The following MAP3K4 variants were observed in gnomAD, a reference collection of about 807,000 sequenced individuals.
MAP3K4 encodes the protein mitogen-activated protein kinase kinase kinase 4.
In MAP3K4, 67 loss-of-function variants were observed where a neutral mutation model predicts 185.6. The ratio of observed to expected loss-of-function variants is 0.36; its 90% CI spans 0.30 to 0.44. The LOEUF (loss-of-function observed/expected upper bound fraction) is 0.44. MAP3K4 is among the 20% of genes least tolerant of loss of function. The pLI is 1.00. For synonymous variants in MAP3K4, 702 were observed against 710.4 expected (o/e 0.99, Z 0.19); for missense variants, 1,551 against 1,995.1 (o/e 0.78, Z 4.24).
intron 2 of MAP3K4, among the ~76,000 whole-genome samples, chr6:161,036,882 G>A (rs928077889): frequency 2.0e-5 from 3 of 152,136 alleles, no homozygotes; most frequent in African/African-American, 4.8e-5. Flanking sequence ...TGGATTTGTG[G>A]TGCTTACTCA....
In MAP3K4 at chr6:161,064,684, C is replaced by A. The variant is rs1459305316; in HGVS notation, c.1708-5924C>A. On this transcript the variant is annotated intron_variant, in intron 3 of 26. Coordinates refer to ENST00000392142, the MANE Select transcript of MAP3K4 (RefSeq NM_005922.4). This position sits in a 1 kb window ranked among gnomAD's most constrained non-coding sequence, Gnocchi z 4.3. ...TTATTATGGATTTGTCAAATCCACA[C>A]AACATGACATCAGAATTATTATTGT... Among the ~76,000 whole-genome samples the A allele has an allele frequency of 2.6e-5, 4 of 152,172 alleles. No individual in the cohort carries two copies. The highest frequency in any genetic ancestry group is 4.4e-5 in the Non-Finnish European group (3 of 68,028).
rs760902363 is a variant in MAP3K4 at position 161,087,637 on chromosome 6, AT to A, written c.2557-48del. On this transcript the variant is annotated intron_variant, in intron 9 of 26. Transcript: ENST00000392142. This position sits in a 1 kb window ranked among gnomAD's most constrained non-coding sequence, Gnocchi z 4.9. ...TTCCTAGGTTTGTTTTAAATAACCTATTTCTCTAATGTACAGTGTTCCTTAA... is the reference window on the plus strand; with the variant it reads ...TTCCTAGGTTTGTTTTAAATAACCTATTCTCTAATGTACAGTGTTCCTTAA... 5 of 1,591,084 alleles carry A rather than the reference AT, an allele frequency of 3.1e-6. No homozygotes were observed. In the African/African-American group the frequency reaches 5.4e-5, roughly 17 times the overall value.
intron 2 of MAP3K4, among the ~76,000 whole-genome samples, chr6:161,046,123 C>A (rs759169444): frequency 1.1e-4 from 16 of 152,056 alleles, no homozygotes; most frequent in Non-Finnish European, 2.1e-4. Context: ...AGAAACTGAA[C>A]TCATTTTCTT....
Position 161,117,049 on chromosome 6 carries a change from C to T in MAP3K4, c.*179C>T, listed in dbSNP as rs1329328958. 1 of 624,940 alleles carries T rather than the reference C, an allele frequency of 1.6e-6. No individual in the cohort carries two copies. Among genetic ancestry groups the T allele is most frequent in the Non-Finnish European group, 2.8e-6 (1 of 356,610 alleles). The allele number at this position is 624,940 out of a possible 1,614,324, so 38.7% of individuals were successfully genotyped here. A position where few individuals can be genotyped will look rare whatever the true frequency, so the allele number is the denominator to read the frequency against. On this transcript the variant is annotated 3_prime_UTR_variant, in exon 27 of 27. Coordinates refer to ENST00000392142, the MANE Select transcript of MAP3K4 (RefSeq NM_005922.4). ...TTTGTCTGATGTGGCAAAAGGCCCT[C>T]TGGAGGGCTGGTGGCCACGAGGTTA...
rs2114872325 is a variant in MAP3K4, at chr6:161,093,309, AT to A, written c.3348+256del. 6.6e-6 allele frequency among the ~76,000 whole-genome samples: 1 copy of A among 152,122 alleles called. No homozygotes were observed. The highest frequency in any genetic ancestry group is 6.5e-5 in the Admixed American group (1 of 15,278). ...CTGGCCCTTCTAAAATATTTGTGAGATTTATATTTTTACTGCCATCATAGCT... is the reference window on the plus strand; with the variant it reads ...CTGGCCCTTCTAAAATATTTGTGAGATTATATTTTTACTGCCATCATAGCT... On this transcript the variant is annotated intron_variant, in intron 14 of 26. Transcript: ENST00000392142. This position sits in a 1 kb window ranked among gnomAD's most constrained non-coding sequence, Gnocchi z 5.2.
Position 161,049,836 on chromosome 6 carries a change from C to CT in MAP3K4, c.1565dup (p.Thr523AspfsTer5). On this transcript the variant is annotated frameshift_variant, in exon 3 of 27. Coordinates refer to ENST00000392142, the MANE Select transcript of MAP3K4 (RefSeq NM_005922.4). LOFTEE classifies it high-confidence loss of function. This position sits in a 1 kb window ranked among gnomAD's most constrained non-coding sequence, Gnocchi z 8.4. ...AGAAGCAGGCTTTAGTAGACATTGTCTGACTTCTATTTATAGACCATTTGT... is the reference window on the plus strand; with the variant it reads ...AGAAGCAGGCTTTAGTAGACATTGTCTTGACTTCTATTTATAGACCATTTGT... 1 of 1,614,128 alleles carries CT rather than the reference C, an allele frequency of 6.2e-7. No homozygotes were observed. Among genetic ancestry groups the CT allele is most frequent in the Non-Finnish European group, 8.5e-7 (1 of 1,180,012 alleles).
chr6:161,069,582 G>A (rs916455467), intron 3 of MAP3K4, among the ~76,000 whole-genome samples: 4 of 152,092 alleles, frequency 2.6e-5, no homozygotes, highest in Non-Finnish European at 4.4e-5. Flanking sequence ...TGAGCAGGTC[G>A]GGGGCAGCAC....
Position 161,074,665 on chromosome 6 carries a change from A to G in MAP3K4, c.2097+1053A>G, listed in dbSNP as rs1249780190. 6.6e-6 allele frequency among the ~76,000 whole-genome samples: 1 copy of G among 152,254 alleles called. No homozygotes were observed. Among genetic ancestry groups the G allele is most frequent in the East Asian group, 1.9e-4 (1 of 5,196 alleles). On this transcript the variant is annotated intron_variant, in intron 5 of 26. Coordinates refer to ENST00000392142, the MANE Select transcript of MAP3K4 (RefSeq NM_005922.4). This position sits in a 1 kb window ranked among gnomAD's most constrained non-coding sequence, Gnocchi z 5.0. ...TGTTCATGTATCGTAAGTACACGTT[A>G]GATTCATTAGGGTATATGCATAGAT... is the stretch of plus-strand genomic sequence containing the variant.
In MAP3K4 at chr6:161,080,749, G is replaced by T; in HGVS notation, c.2098-132G>T. 1.4e-6 allele frequency: 1 copy of T among 707,040 alleles called. No individual in the cohort carries two copies. Among genetic ancestry groups the T allele is most frequent in the Non-Finnish European group, 2.4e-6 (1 of 410,920 alleles). The allele number at this position is 707,040 out of a possible 1,614,324, so 43.8% of individuals were successfully genotyped here. A position where few individuals can be genotyped will look rare whatever the true frequency, so the allele number is the denominator to read the frequency against. ...TAACAGTGGTGAGAACCTTGCTTCT[G>T]TCGGTGCTGCGTGCCTGTGACAGCC... On this transcript the variant is annotated intron_variant, in intron 5 of 26. Coordinates refer to ENST00000392142, the MANE Select transcript of MAP3K4 (RefSeq NM_005922.4). This position sits in a 1 kb window ranked among gnomAD's most constrained non-coding sequence, Gnocchi z 4.8.
chr6:160,999,535 A>C (rs117954213), intron 1 of MAP3K4, among the ~76,000 whole-genome samples: 6,068 of 152,256 alleles, frequency 0.04, 195 homozygotes, highest in Non-Finnish European at 0.055. Flanking sequence ...CTTCCTAGCC[A>C]TTGCTTATAG....
intron 1 of MAP3K4, chr6:160,992,468 C>A: frequency 8.1e-6 from 2 of 247,990 alleles, no homozygotes; most frequent in Non-Finnish European, 1.5e-5. Flanking sequence ...TGGTCCCTCC[C>A]CTCTGCCCTC....
chr6:161,012,471 A>C (rs185001459), intron 1 of MAP3K4, among the ~76,000 whole-genome samples: 1 of 152,222 alleles, frequency 6.6e-6, no homozygotes, highest in African/African-American at 2.4e-5. Context: ...AATAGAAATT[A>C]TAATTCATGG....
Position 161,079,010 on chromosome 6 carries a change from T to C in MAP3K4, c.2098-1871T>C, listed in dbSNP as rs1213207637. ...TGGTGGATCACCTGATGTCAGGAGT[T>C]CGAGACCAGCCTGGCCAACATGGCA... On this transcript the variant is annotated intron_variant, in intron 5 of 26. Coordinates refer to ENST00000392142, the MANE Select transcript of MAP3K4 (RefSeq NM_005922.4). 2.0e-5 allele frequency among the ~76,000 whole-genome samples: 3 copies of C among 152,132 alleles called. No individual in the cohort carries two copies. In the East Asian group the frequency reaches 5.8e-4, roughly 29 times the overall value.
chr6:161,077,258 C>T lies in MAP3K4; in HGVS notation c.2098-3623C>T, dbSNP rs77189349. On this transcript the variant is annotated intron_variant, in intron 5 of 26. Transcript: ENST00000392142. This position sits in a 1 kb window ranked among gnomAD's most constrained non-coding sequence, Gnocchi z 4.3. The stretch of plus-strand genomic sequence containing the variant: ...AAAGGAGAAACTAACTTTCTGGTAC[C>T]TTATTTCTTATTGAAAAAAATATCT... Among the ~76,000 whole-genome samples the T allele has an allele frequency of 6.2e-4, 94 of 152,136 alleles. No individual in the cohort carries two copies. The highest frequency in any genetic ancestry group is 2.1e-3 in the East Asian group (11 of 5,174).
rs1225401411 is a variant in MAP3K4 at position 161,051,079 on chromosome 6, T to G, written c.1707+1100T>G. Among the ~76,000 whole-genome samples, 1 of 152,268 alleles carries G rather than the reference T, an allele frequency of 6.6e-6. No individual in the cohort carries two copies. The highest frequency in any genetic ancestry group is 1.5e-5 in the Non-Finnish European group (1 of 68,046). On this transcript the variant is annotated intron_variant, in intron 3 of 26. Transcript: ENST00000392142. This position sits in a 1 kb window ranked among gnomAD's most constrained non-coding sequence, Gnocchi z 4.2. ...ATGCTGTGTAAATGGTTGTTAATAC[T>G]GTATAGTTTGGGGAATAATGGCAAG... is the stretch of plus-strand genomic sequence containing the variant.
chr6:161,084,567 T>C lies in MAP3K4; in HGVS notation c.2322T>C (p.Cys774=). The C allele has an allele frequency of 1.2e-6, 2 of 1,613,384 alleles. No individual in the cohort carries two copies. The highest frequency in any genetic ancestry group is 1.7e-6 in the Non-Finnish European group (2 of 1,179,304). The change falls in exon 7 of 27, where the codon TGT becomes TGC. Residue 774 remains cysteine (C), a synonymous_variant. Transcript: ENST00000392142. The surrounding 1 kb of genome is among the most constrained non-coding windows in gnomAD (Gnocchi z 4.6). ...SFLEFGLQES[C]AEFWTSADDS... ...TAGAATTTGGCTTACAGGAGAGCTG[T>C]GCTGAATTTTGGACTAGTGCGGATG...
At chr6:161,006,585 C>T (rs9458079) in intron 1 of MAP3K4, among the ~76,000 whole-genome samples, 4,280 of 152,282 alleles carry the variant, frequency 0.028, 135 homozygotes, top group African/African-American at 0.076. Context: ...GTCCTAGAAT[C>T]AATCCCTCGT....
rs189396268 is a variant in MAP3K4 at position 161,025,317 on chromosome 6, C to G, written c.153-8942C>G. Among the ~76,000 whole-genome samples, 152 of 152,362 alleles carry G rather than the reference C, an allele frequency of 1.0e-3. 2 individuals carry two copies. The highest frequency in any genetic ancestry group is 1.1e-3 in the Non-Finnish European group (78 of 68,036). On this transcript the variant is annotated intron_variant, in intron 1 of 26. Coordinates refer to ENST00000392142, the MANE Select transcript of MAP3K4 (RefSeq NM_005922.4). Reference sequence around the variant, plus strand: ...GGAGAGTGGTATTGGGAACCAAGATCTAGTCCCTGGATGAACGAGCTCTTT... The same window carrying G: ...GGAGAGTGGTATTGGGAACCAAGATGTAGTCCCTGGATGAACGAGCTCTTT...
chr6:161,097,072 G>C lies in MAP3K4; in HGVS notation c.3428-8G>C, dbSNP rs756329103. ...ACAAGTTGCATTTGTTGCCATTTTT[G>C]CTGGCAGCCATTCATCGGAACAGCC... On this transcript the variant is annotated splice_region_variant and splice_polypyrimidine_tract_variant and intron_variant, in intron 15 of 26. Coordinates refer to ENST00000392142, the MANE Select transcript of MAP3K4 (RefSeq NM_005922.4). This position sits in a 1 kb window ranked among gnomAD's most constrained non-coding sequence, Gnocchi z 4.9. 9 of 1,612,622 alleles carry C rather than the reference G, an allele frequency of 5.6e-6. No individual in the cohort carries two copies. Among genetic ancestry groups the C allele is most frequent in the Non-Finnish European group, 7.6e-6 (9 of 1,179,008 alleles).
Sources: gnomAD v4.1 joint callset for allele counts (sites outside exome capture counted in the v4.1 genomes callset) on GRCh38, gnomAD v4.1.1 for gene constraint, Gnocchi (gnomAD v3.1) non-coding constraint, MANE v1.5 for transcripts, NCBI Gene and HGNC (gene_info 2026-07-23, HGNC 2026-07-21) for gene names.